The following SGCB variants were observed in gnomAD, a reference collection of about 807,000 sequenced individuals.
SGCB encodes the protein beta-sarcoglycan.
SGCB carries 25 observed loss-of-function variants against 27.3 expected under a neutral mutation model. The observed-to-expected ratio is 0.92, with a 90% CI of 0.67 to 1.28. The LOEUF is 1.28. Ranked by LOEUF, SGCB falls within the 50% of genes most tolerant of loss-of-function variation. The pLI, the probability that SGCB is intolerant of heterozygous loss-of-function variation, is 0.00. For missense variants in SGCB, 436 were observed against 402.1 expected (o/e 1.08, Z -0.72); for synonymous variants, 147 against 133.5 (o/e 1.10, Z -0.70).
Position 52,038,248 on chromosome 4 carries a change from C to G in SGCB, c.12G>C (p.Ala4=), listed in dbSNP as rs758245081. ...AGACCTGTTCTGCAGCCGCCGCCGC[C>G]GCTGCCGCCATCTTCCCGCGCCCGC... The part of the protein sequence containing the change: MAA[A]AAAAAEQQSS... Residue 4 remains alanine (A), a synonymous_variant, in exon 1 of 6, where the codon GCG becomes GCC. Coordinates refer to ENST00000381431, the MANE Select transcript of SGCB (RefSeq NM_000232.5). 1 of 1,288,590 alleles carries G rather than the reference C, an allele frequency of 7.8e-7. No homozygotes were observed. The highest frequency in any genetic ancestry group is 9.9e-7 in the Non-Finnish European group (1 of 1,013,988). The allele number at this position is 1,288,590 out of a possible 1,614,324, so 79.8% of individuals were successfully genotyped here.
intron 1 of SGCB, 131 bp downstream of exon 1, chr4:52,038,096 A>G: frequency 7.6e-6 from 1 of 131,172 alleles, no homozygotes; most frequent in Non-Finnish European, 1.3e-5. Flanking sequence ...CCCCGCCCCG[A>G]TCGGCCCCGC....
At chr4:52,036,291 G>A (rs866528674) in intron 1 of SGCB, among the ~76,000 whole-genome samples, 3 of 152,198 alleles carry the variant, frequency 2.0e-5, no homozygotes, top group Non-Finnish European at 2.9e-5. Context: ...GACTTTGAGA[G>A]GCAACCATCT....
At position 52,024,193 on chromosome 4, in the gene SGCB, C is replaced by T. The variant is rs774178800; in HGVS notation, c.754-33G>A. The T allele has an allele frequency of 2.6e-6, 4 of 1,528,822 alleles. No homozygotes were observed. The African/African-American group carries it at 5.5e-5, about 21-fold the overall frequency. The allele number at this position is 1,528,822 out of a possible 1,614,324, so 94.7% of individuals were successfully genotyped here. ...GAGAATAGTAATATGATTTATTTACCTCCATGAGGGGGTACAGAACAAAGT... is the reference window on the plus strand; with the variant it reads ...GAGAATAGTAATATGATTTATTTACTTCCATGAGGGGGTACAGAACAAAGT... On this transcript the variant is annotated intron_variant, in intron 5 of 5. Coordinates refer to ENST00000381431, the MANE Select transcript of SGCB (RefSeq NM_000232.5).
chr4:52,024,096 C>A lies in SGCB; in HGVS notation c.818G>T (p.Ser273Ile). 1 of 1,614,172 alleles carries A rather than the reference C, an allele frequency of 6.2e-7. No homozygotes were observed. The highest frequency in any genetic ancestry group is 8.5e-7 in the Non-Finnish European group (1 of 1,180,000). The change falls in exon 6 of 6, where the codon AGT (serine) becomes ATT (isoleucine). Residue 273 changes from serine to isoleucine, a missense_variant. Transcript: ENST00000381431. ...VSTTRLPSSS[S>I]GDQLGSGDWV... Reference sequence around the variant, plus strand: ...GTCACCACTACCCAACTGGTCTCCACTGGAGGAACTGGGTAGGCGGGTGGT... The same window carrying A: ...GTCACCACTACCCAACTGGTCTCCAATGGAGGAACTGGGTAGGCGGGTGGT...
At chr4:52,024,795 T>C (rs1291643635) in intron 5 of SGCB, among the ~76,000 whole-genome samples, 1 of 114,140 alleles carries the variant, frequency 8.8e-6, no homozygotes, top group African/African-American at 3.4e-5. Flanking sequence ...ACCGCTGCAC[T>C]CCAGCCTGGG....
At chr4:52,031,406 A>T (rs592706) in intron 2 of SGCB, among the ~76,000 whole-genome samples, 2 of 142,818 alleles carry the variant, frequency 1.4e-5, no homozygotes, top group South Asian at 2.3e-4. Flanking sequence ...GTGTGTGTGT[A>T]TGTGTGTGTG....
chr4:52,031,483 TTTTAA>T (rs1188658135), intron 2 of SGCB, among the ~76,000 whole-genome samples: 3 of 113,794 alleles, frequency 2.6e-5, no homozygotes, highest in African/African-American at 7.9e-5. Flanking sequence ...TAATTGTTCC[TTTTAA>T]TTTTTTTTTT....
At chr4:52,034,715 TAG>T (rs35859031) in intron 1 of SGCB, among the ~76,000 whole-genome samples, 19,816 of 152,022 alleles carry the variant, frequency 0.13, 1,472 homozygotes, top group Middle Eastern at 0.21. Flanking sequence ...TTTCACTGAC[TAG>T]AGCTCACATT....
rs1314732708 is a variant in SGCB at position 52,021,486 on chromosome 4, G to C, written c.*2471C>G. 1 of 152,216 alleles carries C rather than the reference G, an allele frequency of 6.6e-6. No individual in the cohort carries two copies. Among genetic ancestry groups the C allele is most frequent in the Non-Finnish European group, 1.5e-5 (1 of 68,170 alleles). The allele number at this position is 152,216 out of a possible 1,614,324, so 9.4% of individuals were successfully genotyped here. A position where few individuals can be genotyped will look rare whatever the true frequency, so the allele number is the denominator to read the frequency against. ...ATCCTGGCCAACATGGTGAAACCCCGTCTCTACTAAAAATACAAAAATTAG... is the reference window on the plus strand; with the variant it reads ...ATCCTGGCCAACATGGTGAAACCCCCTCTCTACTAAAAATACAAAAATTAG... On this transcript the variant is annotated 3_prime_UTR_variant, in exon 6 of 6. Coordinates refer to ENST00000381431, the MANE Select transcript of SGCB (RefSeq NM_000232.5).
In SGCB at chr4:52,027,978, TCCATATTACCAC is replaced by T; in HGVS notation, c.731_742del (p.Gly244_Met247del). The T allele has an allele frequency of 1.2e-6, 2 of 1,613,812 alleles. No individual in the cohort carries two copies. The highest frequency in any genetic ancestry group is 1.7e-6 in the Non-Finnish European group (2 of 1,179,796). Reference sequence around the variant, plus strand: ...TAAAAGAATACTCACCGCCTTTAACTCCATATTACCACCCATGTGAAATTCAATGGTTTTGCC... The same window carrying T: ...TAAAAGAATACTCACCGCCTTTAACTCCATGTGAAATTCAATGGTTTTGCC... On this transcript the variant is annotated inframe_deletion, in exon 5 of 6. Transcript: ENST00000381431.
chr4:52,035,667 T>C (rs777313803), intron 1 of SGCB, among the ~76,000 whole-genome samples: 1 of 152,106 alleles, frequency 6.6e-6, no homozygotes, highest in Non-Finnish European at 1.5e-5. Context: ...GGGGATGTTG[T>C]AGTAATGGAG....
At chr4:52,038,098 C>CTAG in intron 1 of SGCB, 129 bp downstream of exon 1, 2 of 193,912 alleles carry the variant, frequency 1.0e-5, no homozygotes, top group Non-Finnish European at 9.0e-6. Context: ...CCGCCCCGAT[C>CTAG]GGCCCCGCCG....
In SGCB at chr4:52,033,543, T is replaced by C. The variant is rs868706196; in HGVS notation, c.131A>G (p.Tyr44Cys). The change falls in exon 2 of 6, where the codon TAC becomes TGC. Residue 44 changes from tyrosine to cysteine, a missense_variant. Transcript: ENST00000381431. ...KEHNSNFKAG[Y>C]IPIDEDRLHK... ...GAGACGATCTTCATCAATCGGAATG[T>C]ATCCAGCTTTAAAGTTACTGTTGTG... is the stretch of plus-strand genomic sequence containing the variant. 4.3e-6 allele frequency: 7 copies of C among 1,613,774 alleles called. No individual in the cohort carries two copies. Among genetic ancestry groups the C allele is most frequent in the Admixed American group, 3.3e-5 (2 of 60,026 alleles).
At chr4:52,035,329 C>A (rs1240047400) in intron 1 of SGCB, among the ~76,000 whole-genome samples, 1 of 152,104 alleles carries the variant, frequency 6.6e-6, no homozygotes, top group Non-Finnish European at 1.5e-5. Flanking sequence ...TTTAACAATG[C>A]AATAAAGCAC....
chr4:52,030,937 A>C (rs951905706), intron 2 of SGCB, among the ~76,000 whole-genome samples: 2 of 152,160 alleles, frequency 1.3e-5, no homozygotes, highest in South Asian at 4.1e-4. Context: ...CTAGATGGAA[A>C]ATTATTTTCT....
At position 52,028,805 on chromosome 4, in the gene SGCB, T is replaced by C; in HGVS notation, c.546A>G (p.Thr182=). 1.2e-6 allele frequency: 2 copies of C among 1,613,742 alleles called. No individual in the cohort carries two copies. Among genetic ancestry groups the C allele is most frequent in the Non-Finnish European group, 1.7e-6 (2 of 1,179,654 alleles). The stretch of plus-strand genomic sequence containing the variant: ...AATGAAACTCATGAGTTTCATAGTC[T>C]GTGCTGAATAAGATATTTTGAGTCC... The part of the protein sequence containing the change: ...DPRTQNILFS[T]DYETHEFHLP... Residue 182 remains threonine, a synonymous_variant, in exon 4 of 6, where the codon ACA becomes ACG. Coordinates refer to ENST00000381431, the MANE Select transcript of SGCB (RefSeq NM_000232.5).
intron 5 of SGCB, among the ~76,000 whole-genome samples, chr4:52,027,632 C>T (rs535984950): frequency 2.0e-5 from 2 of 102,100 alleles, no homozygotes; most frequent in Non-Finnish European, 4.1e-5. Flanking sequence ...GATCATTATA[C>T]AAAAAAAAAA....
At chr4:52,031,392 CTGTGTGTG>C (rs55972642) in intron 2 of SGCB, among the ~76,000 whole-genome samples, 23 of 140,152 alleles carry the variant, frequency 1.6e-4, no homozygotes, top group Admixed American at 1.1e-3. Flanking sequence ...CCATTCATCT[CTGTGTGTG>C]TGTGTATGTG....
Position 52,022,879 on chromosome 4 carries a change from C to G in SGCB, c.*1078G>C, listed in dbSNP as rs1736992315. On this transcript the variant is annotated 3_prime_UTR_variant, in exon 6 of 6. Transcript: ENST00000381431. The stretch of plus-strand genomic sequence containing the variant: ...ATATTTTGGAATTGGCCCAACATAG[C>G]TTACAATCGGACAGTGATTGGTCCT... 1 of 152,212 alleles carries G rather than the reference C, an allele frequency of 6.6e-6. No individual in the cohort carries two copies. The highest frequency in any genetic ancestry group is 2.4e-5 in the African/African-American group (1 of 41,462). 9.4% of individuals were successfully genotyped at this position (152,212 alleles called of 1,614,324 possible).
Sources: gnomAD v4.1 joint callset for allele counts (sites outside exome capture counted in the v4.1 genomes callset) on GRCh38, gnomAD v4.1.1 for gene constraint, MANE v1.5 for transcripts, NCBI Gene and HGNC (gene_info 2026-07-23, HGNC 2026-07-21) for gene names.